Variants in ZNF189 observed in about 807,000 individuals in gnomAD.
ZNF189 encodes the protein zinc finger protein 189.
Under a neutral mutation model 53.5 loss-of-function variants are expected in ZNF189, and 33 were observed. That is an observed-to-expected ratio of 0.62 (90% CI 0.47 to 0.82). The LOEUF (loss-of-function observed/expected upper bound fraction) is 0.82, where lower values mean the gene tolerates loss of function less well. Ranked by LOEUF, ZNF189 falls within the 40% of genes least tolerant of loss-of-function variation. ZNF189 has a pLI of 0.00. For synonymous variants in ZNF189, 247 were observed against 238.8 expected (o/e 1.03, Z -0.32); for missense variants, 711 against 753.9 (o/e 0.94, Z 0.67).
chr9:101,407,346 TG>T (rs1182200597), intron 2 of ZNF189: 1 of 397,388 alleles, frequency 2.5e-6, no homozygotes, highest in Non-Finnish European at 4.4e-6. Context: ...TTGTTTCCCC[TG>T]GATCTTTGTC....
chr9:101,409,472 T>C lies in ZNF189; in HGVS notation c.1704T>C (p.Tyr568=), dbSNP rs1346393068. 6.8e-6 allele frequency: 11 copies of C among 1,614,166 alleles called. No homozygotes were observed. Among genetic ancestry groups the C allele is most frequent in the Non-Finnish European group, 8.5e-6 (10 of 1,180,018 alleles). ...HQRIHTGEKP[Y]KCEKCDKSFS... is the part of the protein sequence containing the mutation. The stretch of plus-strand genomic sequence containing the variant: ...GAATACACACAGGAGAGAAACCTTA[T>C]AAGTGTGAGAAGTGCGACAAAAGTT... The change falls in exon 3 of 3, where the codon TAT becomes TAC. Residue 568 remains tyrosine (Y), a synonymous_variant. Transcript: ENST00000339664.
At chr9:101,399,335 T>C (rs543305211) in intron 1 of ZNF189, 146 bp downstream of exon 1, 19 of 1,397,358 alleles carry the variant, frequency 1.4e-5, no homozygotes, top group East Asian at 8.7e-5. Flanking sequence ...CACTAGTGCA[T>C]TGGGGTGCGG....
rs369833060 is a variant in ZNF189 at position 101,400,964 on chromosome 9, G to A, written c.160+954G>A. 1.5e-4 allele frequency among the ~76,000 whole-genome samples: 23 copies of A among 152,180 alleles called. 1 individual carries two copies. The highest frequency in any genetic ancestry group is 7.7e-4 in the East Asian group (4 of 5,184). ...TTAACGATGTTTCCTGTCCCTTGAC[G>A]TCTCTGTTTTTTCACTGAGGTGTCC... On this transcript the variant is annotated intron_variant, in intron 2 of 2. Transcript: ENST00000339664.
rs192397868 is a variant in ZNF189 at position 101,406,758 on chromosome 9, C to G, written c.161-1171C>G. On this transcript the variant is annotated intron_variant, in intron 2 of 2. Transcript: ENST00000339664. ...TTATTGAATCTTCTAGCGGAATTATCTAATATCTATTCCAGCAAGAGATGG... is the reference window on the plus strand; with the variant it reads ...TTATTGAATCTTCTAGCGGAATTATGTAATATCTATTCCAGCAAGAGATGG... Among the ~76,000 whole-genome samples the G allele has an allele frequency of 2.4e-3, 365 of 152,274 alleles. 5 individuals carry two copies. The highest frequency in any genetic ancestry group is 8.4e-3 in the African/African-American group (350 of 41,554).
At position 101,408,046 on chromosome 9, in the gene ZNF189, A is replaced by G; in HGVS notation, c.278A>G (p.Gln93Arg). Reference protein sequence around the residue: ...IVTRIKSEIDQDPMGRETFEL... With the variant: ...IVTRIKSEIDRDPMGRETFEL... ...ACAAGAATCAAAAGTGAAATTGACC[A>G]GGATCCTATGGGTAGAGAAACATTT... The change falls in exon 3 of 3, where the codon CAG becomes CGG. Residue 93 changes from glutamine to arginine, a missense_variant. Physicochemically the swap from Gln to Arg is conservative, Grantham distance 43. Coordinates refer to ENST00000339664, the MANE Select transcript of ZNF189 (RefSeq NM_003452.4). The G allele has an allele frequency of 6.2e-7, 1 of 1,613,984 alleles. No individual in the cohort carries two copies. Among genetic ancestry groups the G allele is most frequent in the Non-Finnish European group, 8.5e-7 (1 of 1,179,970 alleles).
In ZNF189 at chr9:101,409,824, T is replaced by A; in HGVS notation, c.*175T>A. Reference sequence around the variant, plus strand: ...ACTGCCCATGAGCATTTGACTTCCCTTACTCTTTGATGATCGTAGAGAAAG... The same window carrying A: ...ACTGCCCATGAGCATTTGACTTCCCATACTCTTTGATGATCGTAGAGAAAG... On this transcript the variant is annotated 3_prime_UTR_variant, in exon 3 of 3. Coordinates refer to ENST00000339664, the MANE Select transcript of ZNF189 (RefSeq NM_003452.4). 1.5e-6 allele frequency: 1 copy of A among 646,968 alleles called. No individual in the cohort carries two copies. The highest frequency in any genetic ancestry group is 2.9e-5 in the East Asian group (1 of 34,762). The allele number at this position is 646,968 out of a possible 1,614,324, so 40.1% of individuals were successfully genotyped here.
intron 2 of ZNF189, among the ~76,000 whole-genome samples, chr9:101,407,249 T>A (rs74974861): frequency 6.6e-6 from 1 of 152,196 alleles, no homozygotes; most frequent in Non-Finnish European, 1.5e-5. Context: ...GGGGGCTTCA[T>A]GTCTTATCTC....
chr9:101,407,832 C>G (rs937425979), intron 2 of ZNF189, 97 bp from the exon 3 acceptor site: 2 of 1,282,522 alleles, frequency 1.6e-6, no homozygotes, highest in African/African-American at 1.5e-5. Flanking sequence ...TTAATCCCAC[C>G]TTGACTTTAT....
In ZNF189 at chr9:101,409,247, C is replaced by T. The variant is rs750892197; in HGVS notation, c.1479C>T (p.Phe493=). ...TATGTACTGTCTGTGGGAAAAGCTT[C>T]AGCCGGAGCTCATTTCTTATTGAAC... ...PYLCTVCGKS[F]SRSSFLIEHQ... Residue 493 remains phenylalanine (F), a synonymous_variant, in exon 3 of 3, where the codon TTC becomes TTT. Coordinates refer to ENST00000339664, the MANE Select transcript of ZNF189 (RefSeq NM_003452.4). 5.3e-5 allele frequency: 85 copies of T among 1,613,458 alleles called. No individual in the cohort carries two copies. The highest frequency in any genetic ancestry group is 7.1e-5 in the Non-Finnish European group (84 of 1,179,516).
intron 2 of ZNF189, among the ~76,000 whole-genome samples, chr9:101,406,832 C>T (rs1419557562): frequency 6.6e-6 from 1 of 152,102 alleles, no homozygotes; most frequent in African/African-American, 2.4e-5. Flanking sequence ...ATATGACACT[C>T]TGTTATATCA....
At chr9:101,400,601 T>G (rs938067857) in intron 2 of ZNF189, among the ~76,000 whole-genome samples, 1 of 152,240 alleles carries the variant, frequency 6.6e-6, no homozygotes, top group African/African-American at 2.4e-5. Flanking sequence ...ATCTGTCAAC[T>G]TTTAGTTTGG....
intron 1 of ZNF189, 129 bp from the exon 2 acceptor site, chr9:101,399,755 T>C (rs1830461091): frequency 2.8e-6 from 4 of 1,451,872 alleles, no homozygotes; most frequent in Non-Finnish European, 3.8e-6. Flanking sequence ...TTGGGCAACA[T>C]ATGGAACTTT....
chr9:101,408,761 T>A lies in ZNF189; in HGVS notation c.993T>A (p.Leu331=). 1 of 1,614,102 alleles carries A rather than the reference T, an allele frequency of 6.2e-7. No individual in the cohort carries two copies. Among genetic ancestry groups the A allele is most frequent in the Non-Finnish European group, 8.5e-7 (1 of 1,180,002 alleles). The change falls in exon 3 of 3, where the codon CTT becomes CTA. Residue 331 remains leucine, a synonymous_variant. Coordinates refer to ENST00000339664, the MANE Select transcript of ZNF189 (RefSeq NM_003452.4). The stretch of plus-strand genomic sequence containing the variant: ...AAGCCTTTCGATTAAGCACATACCT[T>A]ATACAACACCAAAAAATTCACACTG... ...CGKAFRLSTY[L]IQHQKIHTGE... is the part of the protein sequence containing the mutation.
intron 2 of ZNF189, among the ~76,000 whole-genome samples, chr9:101,404,150 G>A (rs2118217278): frequency 6.6e-6 from 1 of 152,308 alleles, no homozygotes; most frequent in South Asian, 2.1e-4. Flanking sequence ...GTCACTTCAA[G>A]GCTGCTCTGT....
At chr9:101,404,745 A>G (rs1444001071) in intron 2 of ZNF189, among the ~76,000 whole-genome samples, 1 of 152,252 alleles carries the variant, frequency 6.6e-6, no homozygotes, top group Non-Finnish European at 1.5e-5. Flanking sequence ...TTGACAGAAC[A>G]GTATCCACTA....
At position 101,408,144 on chromosome 9, in the gene ZNF189, G is replaced by T; in HGVS notation, c.376G>T (p.Glu126Ter). 6.2e-7 allele frequency: 1 copy of T among 1,614,028 alleles called. No individual in the cohort carries two copies. Among genetic ancestry groups the T allele is most frequent in the Non-Finnish European group, 8.5e-7 (1 of 1,180,008 alleles). ...AATACCAAGGGAATCTTTGACCCAG[G>T]AACAGAGAATGTTCAGAGAAAACAC... ...WEIPRESLTQEQRMFRENTNI... is the reference protein window; with the variant it reads ...WEIPRESLTQ The change falls in exon 3 of 3, where the codon GAA becomes TAA. Residue 126 changes from glutamate (E) to a stop codon, truncating the protein, a stop_gained. Coordinates refer to ENST00000339664, the MANE Select transcript of ZNF189 (RefSeq NM_003452.4). LOFTEE classifies it high-confidence loss of function.
chr9:101,399,915 T>C lies in ZNF189; in HGVS notation c.65T>C (p.Phe22Ser). Residue 22 changes from phenylalanine (F) to serine (S), a missense_variant, in exon 2 of 3, where the codon TTT becomes TCT. Physicochemically the swap from Phe to Ser is radical, Grantham distance 155. Coordinates refer to ENST00000339664, the MANE Select transcript of ZNF189 (RefSeq NM_003452.4). ...CTGACATTTGAGGATGTGGCTGTGT[T>C]TTTTACCCAGGAGGAGTGGGATTAT... ...GLLTFEDVAV[F>S]FTQEEWDYLD... is the part of the protein sequence containing the mutation. 6.2e-7 allele frequency: 1 copy of C among 1,614,092 alleles called. No homozygotes were observed. The highest frequency in any genetic ancestry group is 8.5e-7 in the Non-Finnish European group (1 of 1,180,004).
At chr9:101,404,185 T>C (rs915705398) in intron 2 of ZNF189, among the ~76,000 whole-genome samples, 2 of 152,248 alleles carry the variant, frequency 1.3e-5, no homozygotes, top group African/African-American at 4.8e-5. Context: ...CTTGTTTTTT[T>C]CACCTGCCTA....
chr9:101,407,314 A>G (rs751169194), intron 2 of ZNF189: 6 of 396,766 alleles, frequency 1.5e-5, no homozygotes, highest in Non-Finnish European at 2.7e-5. Flanking sequence ...CAGTGAGTAA[A>G]TGCTTGTTAA....
Sources: allele counts gnomAD v4.1 joint callset (sites outside exome capture counted in the v4.1 genomes callset), GRCh38; gene constraint gnomAD v4.1.1; transcripts MANE v1.5; gene names NCBI Gene and HGNC (gene_info 2026-07-23, HGNC 2026-07-21).